The following RAD1 variants were observed in gnomAD, a reference collection of about 807,000 sequenced individuals.
RAD1 encodes cell cycle checkpoint protein RAD1.
A neutral mutation model predicts 30.0 loss-of-function variants in RAD1; 21 were observed. The observed-to-expected ratio is 0.70, with a 90% CI of 0.50 to 1.01. The LOEUF (loss-of-function observed/expected upper bound fraction) is 1.01, where lower values mean the gene tolerates loss of function less well. RAD1 is among the 50% of genes least tolerant of loss of function. The probability of loss-of-function intolerance (pLI) is 0.00; values close to 1 mark genes in which losing one functional copy is unlikely to be tolerated. For synonymous variants in RAD1, 109 were observed against 113.6 expected, an observed-to-expected ratio of 0.96 and a Z score of 0.26; for missense variants, 329 against 329.0, an observed-to-expected ratio of 1.00 and a Z score of 0.00.
In RAD1 at chr5:34,914,882, A is replaced by T. The variant is rs777904852; in HGVS notation, c.11T>A (p.Leu4Gln). Reference sequence around the variant, plus strand: ...ATCCTCGTCTTGGATCTGTTGGGTCAGAAGGGGCATCGTCCACTGCGCATT... The same window carrying T: ...ATCCTCGTCTTGGATCTGTTGGGTCTGAAGGGGCATCGTCCACTGCGCATT... MPLLTQQIQDEDDQ... is the reference protein window; with the variant it reads MPLQTQQIQDEDDQ... Residue 4 changes from leucine (L) to glutamine (Q), a missense_variant, in exon 2 of 6, where the codon CTG becomes CAG. Leu to Gln is a moderately radical substitution (Grantham distance 113). Transcript: ENST00000382038. The T allele has an allele frequency of 6.2e-7, 1 of 1,614,138 alleles. No individual in the cohort carries two copies. The highest frequency in any genetic ancestry group is 2.2e-5 in the East Asian group (1 of 44,854).
At chr5:34,913,751 C>T (rs1442747199) in intron 2 of RAD1, 173 bp from the exon 3 acceptor site, 3 of 580,706 alleles carry the variant, frequency 5.2e-6, no homozygotes, top group Non-Finnish European at 9.3e-6. Flanking sequence ...GCATCCTTAT[C>T]TCCATTCCTG....
At chr5:34,913,414 A>G in intron 3 of RAD1, 56 bp downstream of exon 3, 1 of 1,032,128 alleles carries the variant, frequency 9.7e-7, no homozygotes, top group Non-Finnish European at 1.4e-6. Context: ...AACTTCCTGT[A>G]TTTTTCTGAC....
chr5:34,908,643 A>C lies in RAD1; in HGVS notation c.*122T>G. The C allele has an allele frequency of 1.2e-6, 1 of 866,644 alleles. No homozygotes were observed. Among genetic ancestry groups the C allele is most frequent in the Non-Finnish European group, 1.8e-6 (1 of 564,260 alleles). The allele number at this position is 866,644 out of a possible 1,614,324, so 53.7% of individuals were successfully genotyped here. A position where few individuals can be genotyped will look rare whatever the true frequency, so the allele number is the denominator to read the frequency against. On this transcript the variant is annotated 3_prime_UTR_variant, in exon 6 of 6. Coordinates refer to ENST00000382038, the MANE Select transcript of RAD1 (RefSeq NM_002853.4). ...TATTAGGGTACATGACCTTGCTCCT[A>C]TCTTCCCCATTGTGCTTCTTCTCTA...
chr5:34,909,006 C>T (rs1468520446), intron 5 of RAD1, 58 bp from the exon 6 acceptor site: 10 of 1,399,358 alleles, frequency 7.1e-6, no homozygotes, highest in Non-Finnish European at 9.8e-6. Context: ...GCTCAGAACT[C>T]CCAAGTAAAG....
At chr5:34,913,304 C>G (rs1174199093) in intron 3 of RAD1, among the ~76,000 whole-genome samples, 166 bp downstream of exon 3, 1 of 151,840 alleles carries the variant, frequency 6.6e-6, no homozygotes, top group Non-Finnish European at 1.5e-5. Flanking sequence ...GAATTATAAA[C>G]ACACTTGCAA....
rs1240759730 is a variant in RAD1 at position 34,908,553 on chromosome 5, CTA to C, written c.*210_*211del. On this transcript the variant is annotated 3_prime_UTR_variant, in exon 6 of 6. Coordinates refer to ENST00000382038, the MANE Select transcript of RAD1 (RefSeq NM_002853.4). ...GAACTAAAGGACAGTCCTGAATAAT[CTA>C]TGACTACAGGAAAACATTTATTTAC... 2.2e-6 allele frequency: 1 copy of C among 460,654 alleles called. No individual in the cohort carries two copies. The highest frequency in any genetic ancestry group is 3.9e-6 in the Non-Finnish European group (1 of 258,918). 28.5% of individuals were successfully genotyped at this position (460,654 alleles called of 1,614,324 possible).
chr5:34,914,138 C>T (rs1763956630), intron 2 of RAD1: 3 of 334,762 alleles, frequency 9.0e-6, no homozygotes, highest in Admixed American at 7.2e-5. Flanking sequence ...CTGAACCACA[C>T]AAATATTACT....
chr5:34,909,025 G>A (rs1372790411), intron 5 of RAD1, 77 bp from the exon 6 acceptor site: 15 of 1,304,172 alleles, frequency 1.2e-5, no homozygotes, highest in Non-Finnish European at 1.6e-5. Context: ...AGGATAAAAA[G>A]TAGCAAATCT....
At chr5:34,913,430 TG>T (rs1416634413) in intron 3 of RAD1, 39 bp downstream of exon 3, 14 of 1,206,908 alleles carry the variant, frequency 1.2e-5, no homozygotes, top group Admixed American at 2.4e-5. Flanking sequence ...CTGACCACTA[TG>T]TATAACACTT....
intron 4 of RAD1, 36 bp from the exon 5 acceptor site, chr5:34,909,392 C>T: frequency 7.1e-7 from 1 of 1,402,698 alleles, no homozygotes; most frequent in Middle Eastern, 1.8e-4. Context: ...TTCATTCATC[C>T]AAAAATAAAC....
At position 34,906,887 on chromosome 5, in the gene RAD1, G is replaced by GT. The variant is rs1397345272; in HGVS notation, c.*1877dup. The GT allele has an allele frequency of 6.6e-6, 1 of 151,848 alleles. No homozygotes were observed. Among genetic ancestry groups the GT allele is most frequent in the Non-Finnish European group, 1.5e-5 (1 of 67,966 alleles). The allele number at this position is 151,848 out of a possible 1,614,324, so 9.4% of individuals were successfully genotyped here. On this transcript the variant is annotated 3_prime_UTR_variant, in exon 6 of 6. Transcript: ENST00000382038. The stretch of plus-strand genomic sequence containing the variant: ...GTTGACTGATTAGATATTTTCCCAA[G>GT]TATCTTTTAGGTTTGTTCTGTTCTT...
chr5:34,914,402 T>G (rs577314684), intron 2 of RAD1: 1 of 380,602 alleles, frequency 2.6e-6, no homozygotes, highest in East Asian at 5.8e-5. Flanking sequence ...AGTTAAACAA[T>G]AAGAAGACTG....
In RAD1 at chr5:34,907,085, G is replaced by C. The variant is rs1185622769; in HGVS notation, c.*1680C>G. ...AGGTGCTGACCCTGGCCACCTCCCA[G>C]AATTGTCCATATGCCTGGGAAGCAG... On this transcript the variant is annotated 3_prime_UTR_variant, in exon 6 of 6. Transcript: ENST00000382038. 2 of 152,136 alleles carry C rather than the reference G, an allele frequency of 1.3e-5. No individual in the cohort carries two copies. The highest frequency in any genetic ancestry group is 2.9e-5 in the Non-Finnish European group (2 of 68,036). The allele number at this position is 152,136 out of a possible 1,614,324, so 9.4% of individuals were successfully genotyped here. A position where few individuals can be genotyped will look rare whatever the true frequency, so the allele number is the denominator to read the frequency against.
intron 2 of RAD1, chr5:34,913,958 G>A (rs904660095): frequency 1.5e-5 from 7 of 457,302 alleles, no homozygotes; most frequent in African/African-American, 6.0e-5. Flanking sequence ...GAGCTCAAGC[G>A]ATCTTCGTGC....
At chr5:34,913,986 G>C (rs1051140912) in intron 2 of RAD1, 12 of 456,724 alleles carry the variant, frequency 2.6e-5, no homozygotes, top group African/African-American at 2.4e-4. Context: ...TCGGTCTCCT[G>C]AGCAGCTGGA....
chr5:34,909,889 AT>A (rs2111934407), intron 4 of RAD1, among the ~76,000 whole-genome samples: 1 of 152,266 alleles, frequency 6.6e-6, no homozygotes, highest in South Asian at 2.1e-4. Flanking sequence ...TTGCTGCAGG[AT>A]TAGCACGTTG....
intron 3 of RAD1, among the ~76,000 whole-genome samples, chr5:34,912,856 C>T (rs1003075071): frequency 6.6e-6 from 1 of 152,006 alleles, no homozygotes; most frequent in Non-Finnish European, 1.5e-5. Context: ...AAAAAATTAG[C>T]CGGGCGTGGT....
rs41271733 is a variant in RAD1, at chr5:34,908,705, C to T, written c.*60G>A. 19 of 1,422,352 alleles carry T rather than the reference C, an allele frequency of 1.3e-5. 1 individual carries two copies. In the African/African-American group the frequency reaches 2.4e-4, roughly 18 times the overall value. 88.1% of individuals were successfully genotyped at this position (1,422,352 alleles called of 1,614,324 possible). A position where few individuals can be genotyped will look rare whatever the true frequency, so the allele number is the denominator to read the frequency against. The stretch of plus-strand genomic sequence containing the variant: ...ATATGAAATGACAAAGAGTACTGTA[C>T]TCAGAATAAGAACTTCATCTATCAT... On this transcript the variant is annotated 3_prime_UTR_variant, in exon 6 of 6. Transcript: ENST00000382038.
In RAD1 at chr5:34,913,394, T is replaced by C. The variant is rs1346428132; in HGVS notation, c.307+76A>G. ...CATTAGCTTTCTGAACCAATGTTTA[T>C]GTTCCAAATAACTTCCTGTATTTTT... On this transcript the variant is annotated intron_variant, in intron 3 of 5. Coordinates refer to ENST00000382038, the MANE Select transcript of RAD1 (RefSeq NM_002853.4). 27 of 790,758 alleles carry C rather than the reference T, an allele frequency of 3.4e-5. 1 individual carries two copies. Among genetic ancestry groups the C allele is most frequent in the Middle Eastern group, 7.7e-4 (2 of 2,586 alleles). 49.0% of individuals were successfully genotyped at this position (790,758 alleles called of 1,614,324 possible).
Sources: allele counts gnomAD v4.1 joint callset (sites outside exome capture counted in the v4.1 genomes callset), GRCh38; gene constraint gnomAD v4.1.1; transcripts MANE v1.5; gene names NCBI Gene and HGNC (gene_info 2026-07-23, HGNC 2026-07-21).